The following LINGO2 variants were observed in gnomAD, a reference collection of about 807,000 sequenced individuals.
The protein encoded by LINGO2 is leucine-rich repeat and immunoglobulin-like domain-containing nogo receptor-interacting protein 2.
Under a neutral mutation model 30.6 loss-of-function variants are expected in LINGO2, and 14 were observed. That is an observed-to-expected ratio of 0.46 (90% CI 0.30 to 0.72). The LOEUF is 0.72. Ranked by LOEUF, LINGO2 falls within the 30% of genes least tolerant of loss-of-function variation. The pLI is 0.07. For missense variants in LINGO2, 729 were observed against 751.7 expected, an observed-to-expected ratio of 0.97 and a Z score of 0.35; for synonymous variants, 317 against 288.5, an observed-to-expected ratio of 1.10 and a Z score of -1.00.
chr9:27,990,684 G>A (rs1192037978), intron 5 of LINGO2, among the ~76,000 whole-genome samples: 1 of 152,034 alleles, frequency 6.6e-6, no homozygotes, highest in Non-Finnish European at 1.5e-5. Flanking sequence ...TTCAGTGGTT[G>A]AGTGCATTGA....
intron 1 of LINGO2, among the ~76,000 whole-genome samples, chr9:28,551,063 C>T (rs139655820): frequency 6.6e-6 from 1 of 151,880 alleles, no homozygotes; most frequent in East Asian, 1.9e-4. Flanking sequence ...GTGTTCTCCA[C>T]ACATTTCTGT....
chr9:28,364,521 A>T (rs973262760), intron 3 of LINGO2, among the ~76,000 whole-genome samples: 1 of 152,172 alleles, frequency 6.6e-6, no homozygotes, highest in Admixed American at 6.5e-5. Flanking sequence ...GGCACCTGCC[A>T]TTTTATATAG....
At chr9:29,058,099 C>G in the LINGO2 span, among the ~76,000 whole-genome samples, 1 of 151,794 alleles carries the variant, frequency 6.6e-6, no homozygotes, top group Non-Finnish European at 1.5e-5. Context: ...AAAATGTAAC[C>G]TATAGCAAGG....
At chr9:28,389,560 G>T (rs140519036) in intron 2 of LINGO2, among the ~76,000 whole-genome samples, 2 of 152,122 alleles carry the variant, frequency 1.3e-5, no homozygotes, top group East Asian at 1.9e-4. Context: ...ATCTCTAGAC[G>T]TCAGCATTCC....
the LINGO2 span, among the ~76,000 whole-genome samples, chr9:28,859,254 GA>G: frequency 6.6e-6 from 1 of 151,934 alleles, no homozygotes; most frequent in Non-Finnish European, 1.5e-5. Flanking sequence ...ATTATTTGGG[GA>G]ACAGGCTGTA....
At chr9:28,723,525 A>G in the LINGO2 span, among the ~76,000 whole-genome samples, 1 of 152,220 alleles carries the variant, frequency 6.6e-6, no homozygotes, top group African/African-American at 2.4e-5. Context: ...TTCTCTTGGT[A>G]AATGACATGC....
intron 2 of LINGO2, among the ~76,000 whole-genome samples, chr9:28,405,839 T>A (rs1283843867): frequency 6.6e-6 from 1 of 152,132 alleles, no homozygotes; most frequent in Non-Finnish European, 1.5e-5. Flanking sequence ...TATGACTCCG[T>A]TTTTCTTCCT....
chr9:27,988,318 A>G (rs1365926197), intron 5 of LINGO2, among the ~76,000 whole-genome samples: 1 of 152,022 alleles, frequency 6.6e-6, no homozygotes, highest in South Asian at 2.1e-4. Context: ...ATATGTGTGC[A>G]TGTGTCTTTA....
chr9:28,324,650 A>G (rs762979430), intron 3 of LINGO2, among the ~76,000 whole-genome samples: 43 of 152,306 alleles, frequency 2.8e-4, no homozygotes, highest in Non-Finnish European at 5.7e-4. Flanking sequence ...CACCAGTGCC[A>G]TAACAGCTTA....
At chr9:28,961,852 A>G in the LINGO2 span, among the ~76,000 whole-genome samples, 2 of 152,196 alleles carry the variant, frequency 1.3e-5, no homozygotes, top group Non-Finnish European at 2.9e-5. Context: ...TAACAACTAC[A>G]GAAGTCTGTT....
chr9:28,063,278 T>C (rs1563953369), intron 4 of LINGO2, among the ~76,000 whole-genome samples: 2 of 152,142 alleles, frequency 1.3e-5, no homozygotes, highest in Non-Finnish European at 2.9e-5. Context: ...AAATGCTTAA[T>C]ACCTCACAGA....
chr9:29,188,774 C>T, the LINGO2 span, among the ~76,000 whole-genome samples: 15 of 135,752 alleles, frequency 1.1e-4, no homozygotes, highest in Non-Finnish European at 9.6e-5. Context: ...CCAGTAGGGG[C>T]GGCCGGGCAG....
the LINGO2 span, among the ~76,000 whole-genome samples, chr9:28,978,924 T>C: frequency 9.9e-5 from 15 of 152,136 alleles, no homozygotes; most frequent in Non-Finnish European, 1.8e-4. Flanking sequence ...AGTCATACAT[T>C]GATTGTAATT....
In LINGO2 at chr9:27,974,240, G is replaced by C. The variant is rs146881636; in HGVS notation, c.-35-23534C>G. The stretch of plus-strand genomic sequence containing the variant: ...GCTGTCATGTTAGGGGTTCAGGAGA[G>C]ATGTTACCTCAAGCTGCAATCCTCC... On this transcript the variant is annotated intron_variant, in intron 5 of 5. Transcript: ENST00000379992. Among the ~76,000 whole-genome samples, 417 of 152,244 alleles carry C rather than the reference G, an allele frequency of 2.7e-3. 3 individuals carry two copies. Among genetic ancestry groups the C allele is most frequent in the South Asian group, 9.5e-3 (46 of 4,820 alleles).
chr9:29,011,138 ACT>A, the LINGO2 span, among the ~76,000 whole-genome samples: 1 of 152,184 alleles, frequency 6.6e-6, no homozygotes, highest in African/African-American at 2.4e-5. Context: ...CAAACTAATC[ACT>A]GTTTTTCATA....
chr9:27,945,286 A>C (rs1246682150), downstream of LINGO2, among the ~76,000 whole-genome samples: 2 of 152,166 alleles, frequency 1.3e-5, no homozygotes, highest in African/African-American at 4.8e-5. Flanking sequence ...TAAAGTGACA[A>C]AAGTCAGGCC....
chr9:28,908,176 C>A, the LINGO2 span, among the ~76,000 whole-genome samples: 1 of 149,446 alleles, frequency 6.7e-6, no homozygotes, highest in African/African-American at 2.5e-5. Flanking sequence ...CACACACATA[C>A]AAAACTTCTC....
At chr9:28,241,862 G>A (rs774302053) in intron 4 of LINGO2, among the ~76,000 whole-genome samples, 3 of 152,106 alleles carry the variant, frequency 2.0e-5, no homozygotes, top group African/African-American at 7.2e-5. Flanking sequence ...CCAGCAAACT[G>A]CAGCAGCCCT....
chr9:28,259,021 A>G (rs1038435030), intron 4 of LINGO2, among the ~76,000 whole-genome samples: 1 of 151,782 alleles, frequency 6.6e-6, no homozygotes, highest in Non-Finnish European at 1.5e-5. Context: ...GAGGTTTTTT[A>G]ATTCTCTAAT....
Sources: gnomAD v4.1 joint callset for allele counts (sites outside exome capture counted in the v4.1 genomes callset) on GRCh38, gnomAD v4.1.1 for gene constraint, MANE v1.5 for transcripts, NCBI Gene and HGNC (gene_info 2026-07-23, HGNC 2026-07-21) for gene names.